The following RASSF4 variants were observed in gnomAD, a reference collection of about 807,000 sequenced individuals.
RASSF4 encodes the protein ras association domain-containing protein 4.
A neutral mutation model predicts 41.1 loss-of-function variants in RASSF4; 38 were observed. The observed-to-expected ratio is 0.92, with a 90% CI of 0.71 to 1.21. The LOEUF (loss-of-function observed/expected upper bound fraction) is 1.21. Ranked by LOEUF, RASSF4 falls within the 50% of genes most tolerant of loss-of-function variation. The pLI is 0.00. For synonymous variants in RASSF4, 179 were observed against 163.4 expected, an observed-to-expected ratio of 1.10 and a Z score of -0.73; for missense variants, 414 against 419.4, an observed-to-expected ratio of 0.99 and a Z score of 0.11.
chr10:44,967,759 C>T (rs1315656233), intron 1 of RASSF4, among the ~76,000 whole-genome samples: 1 of 152,176 alleles, frequency 6.6e-6, no homozygotes, highest in Non-Finnish European at 1.5e-5. Context: ...AGTGGTAAAG[C>T]ACCCCCCGCC....
At chr10:44,983,906 A>G (rs1841814911) in intron 4 of RASSF4, 116 bp from the exon 5 acceptor site, 1 of 1,530,820 alleles carries the variant, frequency 6.5e-7, no homozygotes, top group African/African-American at 1.4e-5. Context: ...GCCTCACCTC[A>G]GCCTGCCTTG....
chr10:44,984,771 G>C lies in RASSF4; in HGVS notation c.374-42G>C, dbSNP rs749532027. 5.0e-6 allele frequency: 8 copies of C among 1,605,802 alleles called. No homozygotes were observed. The South Asian group carries it at 6.6e-5, about 13-fold the overall frequency. On this transcript the variant is annotated intron_variant, in intron 5 of 10. Transcript: ENST00000340258. Reference sequence around the variant, plus strand: ...CCGACAGCAGGCAGTTGCTCTGTCAGCATCACCCACCCTGCCATTCTCTCA... The same window carrying C: ...CCGACAGCAGGCAGTTGCTCTGTCACCATCACCCACCCTGCCATTCTCTCA...
chr10:44,977,911 G>A (rs201098879), intron 3 of RASSF4: 124 of 1,612,634 alleles, frequency 7.7e-5, no homozygotes, highest in South Asian at 1.5e-4. Flanking sequence ...TAGACCTCAC[G>A]TAGTCATCCA....
At chr10:44,987,643 G>A (rs1193100464) in intron 6 of RASSF4, among the ~76,000 whole-genome samples, 2 of 69,302 alleles carry the variant, frequency 2.9e-5, no homozygotes, top group Admixed American at 2.9e-4. Flanking sequence ...TTTTTTTTTT[G>A]CTGCACCTGC....
At chr10:44,982,859 C>T (rs1841773817) in intron 4 of RASSF4, 196 bp downstream of exon 4, 4 of 706,434 alleles carry the variant, frequency 5.7e-6, no homozygotes, top group Admixed American at 2.2e-5. Context: ...TCCTGGAGAA[C>T]ATTCCAGGCT....
At chr10:44,972,601 C>T (rs544610001) in intron 3 of RASSF4, among the ~76,000 whole-genome samples, 1 of 152,368 alleles carries the variant, frequency 6.6e-6, no homozygotes, top group South Asian at 2.1e-4. Context: ...CTTGGGGGAC[C>T]ACCCACTGGG....
chr10:44,993,147 G>A, intron 10 of RASSF4, 122 bp from the exon 11 acceptor site: 2 of 772,804 alleles, frequency 2.6e-6, no homozygotes, highest in Admixed American at 4.3e-5. Context: ...CTCCTTGGCA[G>A]AGGAGAGATG....
At chr10:44,984,515 CAG>C in intron 5 of RASSF4, 1 of 512,574 alleles carries the variant, frequency 2.0e-6, no homozygotes. Flanking sequence ...GGGCCTGTTT[CAG>C]AGCAGGGGCT....
intron 4 of RASSF4, 78 bp downstream of exon 4, chr10:44,982,741 A>G (rs762343619): frequency 2.4e-4 from 363 of 1,484,648 alleles, no homozygotes; most frequent in Middle Eastern, 6.7e-4. Context: ...TCAGGGTGGG[A>G]GCCCTGTTCC....
At chr10:44,973,997 A>G (rs1841289335) in intron 3 of RASSF4, among the ~76,000 whole-genome samples, 1 of 66,890 alleles carries the variant, frequency 1.5e-5, no homozygotes, top group East Asian at 4.4e-4. Flanking sequence ...CTGTAGCCTT[A>G]ACAGCCCAGG....
intron 2 of RASSF4, chr10:44,971,570 C>G (rs1357424701): frequency 1.2e-5 from 8 of 683,576 alleles, no homozygotes; most frequent in Non-Finnish European, 1.9e-5. Flanking sequence ...AGCCCGACCC[C>G]CATGCCCCCC....
intron 3 of RASSF4, among the ~76,000 whole-genome samples, chr10:44,974,582 C>G (rs543994734): frequency 6.5e-4 from 99 of 151,896 alleles, no homozygotes; most frequent in African/African-American, 2.3e-3. Context: ...TGGCGAAGGG[C>G]TCACCACCCG....
At chr10:44,977,668 G>C (rs776419897) in intron 3 of RASSF4, 1 of 1,613,006 alleles carries the variant, frequency 6.2e-7, no homozygotes, top group Non-Finnish European at 8.5e-7. Flanking sequence ...TCCTTGGCAG[G>C]TCCCTCTGGC....
Position 44,993,531 on chromosome 10 carries a change from C to A in RASSF4, c.*202C>A, listed in dbSNP as rs1415230491. On this transcript the variant is annotated 3_prime_UTR_variant, in exon 11 of 11. Coordinates refer to ENST00000340258, the MANE Select transcript of RASSF4 (RefSeq NM_032023.4). ...AAGATGAGCACCCACAGGAAGCCGA[C>A]CCAGGCCTGAGGGGCCAGGAACTTG... 8.5e-6 allele frequency: 5 copies of A among 588,994 alleles called. No individual in the cohort carries two copies. The African/African-American group carries it at 9.3e-5, about 11-fold the overall frequency. 36.5% of individuals were successfully genotyped at this position (588,994 alleles called of 1,614,324 possible).
chr10:44,976,732 G>A (rs940940357), intron 3 of RASSF4: 3 of 152,550 alleles, frequency 2.0e-5, no homozygotes, highest in African/African-American at 7.2e-5. Flanking sequence ...GTAGCACTGA[G>A]TGGTACAGAT....
intron 3 of RASSF4, chr10:44,976,311 G>C (rs1379143644): frequency 6.6e-6 from 1 of 152,208 alleles, no homozygotes; most frequent in Admixed American, 6.5e-5. Context: ...TCTATCTCCA[G>C]AGAAAACACA....
intron 6 of RASSF4, among the ~76,000 whole-genome samples, chr10:44,986,183 A>G (rs1028188708): frequency 4.8e-4 from 73 of 152,184 alleles, no homozygotes; most frequent in African/African-American, 1.7e-3. Context: ...CTTACCAAAA[A>G]AAGGGTGGGG....
At chr10:44,982,254 G>A (rs541203420) in intron 3 of RASSF4, 19 of 506,538 alleles carry the variant, frequency 3.8e-5, no homozygotes, top group Middle Eastern at 4.7e-4. Flanking sequence ...GCCAGCAGCT[G>A]GCTTCCTGTG....
At position 44,994,775 on chromosome 10, in the gene RASSF4, G is replaced by C. The variant is rs1474293950; in HGVS notation, c.*1446G>C. 6.7e-6 allele frequency: 1 copy of C among 149,940 alleles called. No homozygotes were observed. The highest frequency in any genetic ancestry group is 2.0e-4 in the East Asian group (1 of 5,118). 9.3% of individuals were successfully genotyped at this position (149,940 alleles called of 1,614,324 possible). On this transcript the variant is annotated 3_prime_UTR_variant, in exon 11 of 11. Coordinates refer to ENST00000340258, the MANE Select transcript of RASSF4 (RefSeq NM_032023.4). Reference sequence around the variant, plus strand: ...TTCTGTGCATCCACCCTGACCCCCGGCTCTAACTTCTGAAACTCTTATCCT... The same window carrying C: ...TTCTGTGCATCCACCCTGACCCCCGCCTCTAACTTCTGAAACTCTTATCCT...
Sources: allele counts gnomAD v4.1 joint callset (sites outside exome capture counted in the v4.1 genomes callset), GRCh38; gene constraint gnomAD v4.1.1; transcripts MANE v1.5; gene names NCBI Gene and HGNC (gene_info 2026-07-23, HGNC 2026-07-21).